The following PCOLCE2 variants were observed in gnomAD, a reference collection of about 807,000 sequenced individuals.
PCOLCE2 encodes procollagen C-endopeptidase enhancer 2.
In PCOLCE2, 42 loss-of-function variants were observed where a neutral mutation model predicts 47.0. The ratio of observed to expected loss-of-function variants is 0.89; its 90% CI spans 0.70 to 1.16. The LOEUF (loss-of-function observed/expected upper bound fraction) is 1.16, where lower values mean the gene tolerates loss of function less well. Among genes scored for constraint, PCOLCE2 ranks in the 50% most tolerant of loss-of-function variants. The pLI, the probability that PCOLCE2 is intolerant of heterozygous loss-of-function variation, is 0.00. For missense variants in PCOLCE2, 500 were observed against 526.1 expected, an observed-to-expected ratio of 0.95 and a Z score of 0.49; for synonymous variants, 169 against 191.7, an observed-to-expected ratio of 0.88 and a Z score of 0.98.
At chr3:142,837,071 T>C (rs1000929993) in intron 5 of PCOLCE2, among the ~76,000 whole-genome samples, 1 of 152,034 alleles carries the variant, frequency 6.6e-6, no homozygotes, top group Admixed American at 6.6e-5. Context: ...AAGAGGGAGA[T>C]TTGACTAAGA....
intron 3 of PCOLCE2, among the ~76,000 whole-genome samples, chr3:142,845,856 T>C (rs1020993624): frequency 6.6e-6 from 1 of 152,108 alleles, no homozygotes; most frequent in African/African-American, 2.4e-5. Context: ...ATGCCTGTAA[T>C]CCCAGCTGCT....
At chr3:142,872,277 C>T (rs1933406387) in intron 2 of PCOLCE2, among the ~76,000 whole-genome samples, 1 of 152,124 alleles carries the variant, frequency 6.6e-6, no homozygotes, top group Non-Finnish European at 1.5e-5. Context: ...CCTGGATAGT[C>T]CCTTTGTAAA....
intron 2 of PCOLCE2, among the ~76,000 whole-genome samples, chr3:142,886,841 G>A (rs1933724937): frequency 6.6e-6 from 1 of 152,180 alleles, no homozygotes; most frequent in Non-Finnish European, 1.5e-5. Flanking sequence ...CTGGCACACA[G>A]TAACTGCTAG....
chr3:142,841,135 A>G (rs1237344893), intron 4 of PCOLCE2, among the ~76,000 whole-genome samples: 2 of 152,154 alleles, frequency 1.3e-5, no homozygotes, highest in East Asian at 3.8e-4. Context: ...AAAAAAAGTA[A>G]AGAAGAAGAT....
At chr3:142,850,808 G>T (rs533124741) in intron 2 of PCOLCE2, among the ~76,000 whole-genome samples, 5 of 90,578 alleles carry the variant, frequency 5.5e-5, no homozygotes, top group Admixed American at 9.8e-5. Context: ...ATAATATGGG[G>T]GTAAGGAAGG....
chr3:142,827,062 G>T, intron 6 of PCOLCE2: 15 of 1,101,470 alleles, frequency 1.4e-5, no homozygotes, highest in Admixed American at 7.7e-5. Flanking sequence ...ACTTTTTTTT[G>T]GCATAAAGAC....
intron 2 of PCOLCE2, among the ~76,000 whole-genome samples, chr3:142,873,667 AATG>A (rs1354171948): frequency 6.6e-6 from 1 of 152,146 alleles, no homozygotes; most frequent in Non-Finnish European, 1.5e-5. Flanking sequence ...ATGTATCTGG[AATG>A]TTCACCTATA....
At chr3:142,872,584 C>T (rs1260506162) in intron 2 of PCOLCE2, among the ~76,000 whole-genome samples, 2 of 152,104 alleles carry the variant, frequency 1.3e-5, no homozygotes, top group Admixed American at 6.6e-5. Flanking sequence ...TTGTATAAAT[C>T]GAATAAAATA....
intron 2 of PCOLCE2, among the ~76,000 whole-genome samples, chr3:142,861,702 C>T (rs2108203978): frequency 6.6e-6 from 1 of 152,334 alleles, no homozygotes; most frequent in Non-Finnish European, 1.5e-5. Context: ...TTGGGCTCTG[C>T]CTTTTCATGT....
intron 2 of PCOLCE2, among the ~76,000 whole-genome samples, chr3:142,858,255 G>C (rs1381860103): frequency 2.0e-5 from 3 of 152,196 alleles, no homozygotes; most frequent in African/African-American, 7.2e-5. Flanking sequence ...TGTGAACCTT[G>C]CACAGACAGG....
Position 142,818,095 on chromosome 3 carries a change from A to C in PCOLCE2, c.*240T>G, listed in dbSNP as rs1274868368. On this transcript the variant is annotated 3_prime_UTR_variant, in exon 9 of 9. Transcript: ENST00000295992. Reference sequence around the variant, plus strand: ...CAACGCTTGACACTTTTAGCTTCCTATCACCGCACTAAGTCGGCAGGTTTC... The same window carrying C: ...CAACGCTTGACACTTTTAGCTTCCTCTCACCGCACTAAGTCGGCAGGTTTC... The C allele has an allele frequency of 7.7e-6, 3 of 387,796 alleles. No homozygotes were observed. Among genetic ancestry groups the C allele is most frequent in the Non-Finnish European group, 1.4e-5 (3 of 213,892 alleles). The allele number at this position is 387,796 out of a possible 1,614,324, so 24.0% of individuals were successfully genotyped here.
chr3:142,846,189 A>G (rs1475061422), intron 3 of PCOLCE2, among the ~76,000 whole-genome samples: 1 of 151,002 alleles, frequency 6.6e-6, no homozygotes, highest in African/African-American at 2.4e-5. Flanking sequence ...TCTTGACTCT[A>G]TTTTTCTTAT....
intron 5 of PCOLCE2, among the ~76,000 whole-genome samples, chr3:142,831,190 T>C (rs1023369018): frequency 2.6e-5 from 4 of 152,254 alleles, no homozygotes; most frequent in Non-Finnish European, 5.9e-5. Flanking sequence ...TAAGAGGTGA[T>C]TGGGTCATGA....
intron 2 of PCOLCE2, among the ~76,000 whole-genome samples, chr3:142,867,389 AACT>A (rs1560139587): frequency 6.6e-6 from 1 of 152,230 alleles, no homozygotes; most frequent in Non-Finnish European, 1.5e-5. Flanking sequence ...AAGAGTTAAA[AACT>A]ACTAAATTGG....
chr3:142,840,760 G>C (rs1449340138), intron 4 of PCOLCE2, among the ~76,000 whole-genome samples: 3 of 152,058 alleles, frequency 2.0e-5, no homozygotes, highest in Non-Finnish European at 4.4e-5. Flanking sequence ...TAAAAAAATT[G>C]GCGAACTTTT....
rs1177693653 is a variant in PCOLCE2 at position 142,842,596 on chromosome 3, G to A, written c.573+328C>T. On this transcript the variant is annotated intron_variant, in intron 4 of 8. Transcript: ENST00000295992. This position sits in a 1 kb window ranked among gnomAD's most constrained non-coding sequence, Gnocchi z 4.1. Reference sequence around the variant, plus strand: ...CTACTAAAAAAATACAAAATTAGCCGGGCGTGGTGGCGCGTGCCTGTAATC... The same window carrying A: ...CTACTAAAAAAATACAAAATTAGCCAGGCGTGGTGGCGCGTGCCTGTAATC... Among the ~76,000 whole-genome samples, 7 of 152,112 alleles carry A rather than the reference G, an allele frequency of 4.6e-5. No homozygotes were observed. The highest frequency in any genetic ancestry group is 4.2e-4 in the South Asian group (2 of 4,810).
rs374528571 is a variant in PCOLCE2, at chr3:142,829,658, G to A, written c.865+34C>T. 101 of 1,512,814 alleles carry A rather than the reference G, an allele frequency of 6.7e-5. 1 individual carries two copies. Among genetic ancestry groups the A allele is most frequent in the Admixed American group, 1.1e-4 (5 of 47,146 alleles). The allele number at this position is 1,512,814 out of a possible 1,614,324, so 93.7% of individuals were successfully genotyped here. The stretch of plus-strand genomic sequence containing the variant: ...AAAGAATTCTTCTTATACTCCTAAA[G>A]TTTTTGCACAAACTTCCAAACAGGA... On this transcript the variant is annotated intron_variant, in intron 6 of 8. Coordinates refer to ENST00000295992, the MANE Select transcript of PCOLCE2 (RefSeq NM_013363.4).
At chr3:142,827,600 C>A in intron 6 of PCOLCE2, 3 of 1,476,502 alleles carry the variant, frequency 2.0e-6, no homozygotes, top group East Asian at 4.5e-5. Flanking sequence ...CTTCTTGCCG[C>A]AATACACAAA....
At chr3:142,873,270 G>A (rs960382494) in intron 2 of PCOLCE2, among the ~76,000 whole-genome samples, 1 of 151,854 alleles carries the variant, frequency 6.6e-6, no homozygotes, top group Non-Finnish European at 1.5e-5. Context: ...GCAGGTGCCT[G>A]TAATCCCAGC....
Sources: gnomAD v4.1 joint callset for allele counts (sites outside exome capture counted in the v4.1 genomes callset) on GRCh38, gnomAD v4.1.1 for gene constraint, Gnocchi (gnomAD v3.1) non-coding constraint, MANE v1.5 for transcripts, NCBI Gene and HGNC (gene_info 2026-07-23, HGNC 2026-07-21) for gene names.